Variants in RPS6KA2 observed in about 807,000 individuals in gnomAD.
The protein encoded by RPS6KA2 is ribosomal protein S6 kinase alpha-2.
Under a neutral mutation model 91.8 loss-of-function variants are expected in RPS6KA2, and 42 were observed. The observed-to-expected ratio is 0.46, with a 90% CI of 0.36 to 0.59. RPS6KA2 has a LOEUF of 0.59. Among genes scored for constraint, RPS6KA2 ranks in the 20% least tolerant of loss-of-function variants. The probability of loss-of-function intolerance (pLI) is 0.00; values close to 1 mark genes in which losing one functional copy is unlikely to be tolerated. For missense variants in RPS6KA2, 798 were observed against 978.5 expected, an observed-to-expected ratio of 0.82 and a Z score of 2.46; for synonymous variants, 414 against 393.6, an observed-to-expected ratio of 1.05 and a Z score of -0.61.
intron 2 of RPS6KA2, among the ~76,000 whole-genome samples, chr6:166,672,958 G>A (rs1788513581): frequency 6.6e-6 from 1 of 152,172 alleles, no homozygotes; most frequent in Admixed American, 6.5e-5. Context: ...ATGTTGGCGT[G>A]GGCTTGCTGC....
At chr6:166,428,696 A>G (rs1330312197) in intron 16 of RPS6KA2, among the ~76,000 whole-genome samples, 1 of 152,120 alleles carries the variant, frequency 6.6e-6, no homozygotes, top group African/African-American at 2.4e-5. Flanking sequence ...CAAAAAACAC[A>G]TGAAAAAATG....
intron 16 of RPS6KA2, among the ~76,000 whole-genome samples, chr6:166,425,881 T>TA (rs1298551271): frequency 6.6e-6 from 1 of 152,100 alleles, no homozygotes; most frequent in Non-Finnish European, 1.5e-5. Flanking sequence ...CTGTCAACAT[T>TA]AGACAGATCA....
At chr6:166,813,374 G>C (rs1221235743) in intron 2 of RPS6KA2, among the ~76,000 whole-genome samples, 1 of 152,200 alleles carries the variant, frequency 6.6e-6, no homozygotes. Context: ...TACAACTGTA[G>C]ATTTGATTAT....
At chr6:166,521,139 G>T (rs1026791608) in intron 3 of RPS6KA2, among the ~76,000 whole-genome samples, 1 of 152,264 alleles carries the variant, frequency 6.6e-6, no homozygotes, top group African/African-American at 2.4e-5. Flanking sequence ...CAGTGACTGT[G>T]TGGTTCTCTT....
At chr6:166,486,861 G>A (rs930686479) in intron 10 of RPS6KA2, among the ~76,000 whole-genome samples, 4 of 152,068 alleles carry the variant, frequency 2.6e-5, no homozygotes, top group Admixed American at 1.3e-4. Context: ...TGATCATCAC[G>A]GGGTGGGGGT....
rs755569732 is a variant in RPS6KA2 at position 166,410,700 on chromosome 6, C to T, written c.*2062G>A. On this transcript the variant is annotated 3_prime_UTR_variant, in exon 21 of 21. Coordinates refer to ENST00000265678, the MANE Select transcript of RPS6KA2 (RefSeq NM_021135.6). ...GCACACAAGGAGGGAAAACCGTGGC[C>T]GCTTTCTCACGGATGCTTTCCCTTT... 2 of 152,062 alleles carry T rather than the reference C, an allele frequency of 1.3e-5. No homozygotes were observed. The highest frequency in any genetic ancestry group is 2.4e-5 in the African/African-American group (1 of 41,388). 9.4% of individuals were successfully genotyped at this position (152,062 alleles called of 1,614,324 possible). A position where few individuals can be genotyped will look rare whatever the true frequency, so the allele number is the denominator to read the frequency against.
At chr6:166,611,252 C>T (rs1243720925) in intron 1 of RPS6KA2, among the ~76,000 whole-genome samples, 1 of 152,160 alleles carries the variant, frequency 6.6e-6, no homozygotes. Flanking sequence ...AGCATAATTT[C>T]AACAAGTCCA....
chr6:166,500,990 G>T lies in RPS6KA2; in HGVS notation c.567-66C>A, dbSNP rs1782007510. On this transcript the variant is annotated intron_variant, in intron 6 of 20. Coordinates refer to ENST00000265678, the MANE Select transcript of RPS6KA2 (RefSeq NM_021135.6). The surrounding 1 kb of genome is among the most constrained non-coding windows in gnomAD (Gnocchi z 4.3). The stretch of plus-strand genomic sequence containing the variant: ...CCCAGCCTGCCGACGGGCACGCAGA[G>T]CTCAGAGGAGAGCTGCGGGGCAGCT... 1 of 1,477,664 alleles carries T rather than the reference G, an allele frequency of 6.8e-7. No individual in the cohort carries two copies. The highest frequency in any genetic ancestry group is 9.4e-7 in the Non-Finnish European group (1 of 1,061,154). The allele number at this position is 1,477,664 out of a possible 1,614,324, so 91.5% of individuals were successfully genotyped here. A position where few individuals can be genotyped will look rare whatever the true frequency, so the allele number is the denominator to read the frequency against.
chr6:166,611,778 C>T (rs116426967), intron 1 of RPS6KA2, among the ~76,000 whole-genome samples: 4,765 of 152,236 alleles, frequency 0.031, 136 homozygotes, highest in African/African-American at 0.073. Flanking sequence ...GCTGCAAAAC[C>T]GCAAGTCAGG....
intron 2 of RPS6KA2, among the ~76,000 whole-genome samples, chr6:166,673,267 G>T (rs1788526339): frequency 6.6e-6 from 1 of 152,186 alleles, no homozygotes; most frequent in African/African-American, 2.4e-5. Context: ...GGTGCAGGCT[G>T]CGGCTCTAGG....
chr6:166,830,522 T>C (rs1286584331), intron 2 of RPS6KA2, among the ~76,000 whole-genome samples: 1 of 152,222 alleles, frequency 6.6e-6, no homozygotes, highest in African/African-American at 2.4e-5. Flanking sequence ...TATATTTTTA[T>C]AATTTCTTTT....
At position 166,632,918 on chromosome 6, in the gene RPS6KA2, C is replaced by T. The variant is rs554503827; in HGVS notation, c.124-94134G>A. On this transcript the variant is annotated intron_variant, in intron 2 of 21. Coordinates refer to the RPS6KA2 transcript ENST00000503859. ...GAGGACAACGTGGACTCAACATGGG[C>T]GTGAAATACCTCGGGGCCGGGCGCA... is the stretch of plus-strand genomic sequence containing the variant. 4.6e-5 allele frequency among the ~76,000 whole-genome samples: 7 copies of T among 152,076 alleles called. No homozygotes were observed. The East Asian group carries it at 7.8e-4, about 17-fold the overall frequency.
intron 10 of RPS6KA2, among the ~76,000 whole-genome samples, chr6:166,486,797 A>T (rs1028765418): frequency 4.6e-5 from 7 of 151,746 alleles, no homozygotes; most frequent in African/African-American, 1.7e-4. Context: ...CCATGTCAGT[A>T]ACAGCAACGT....
At chr6:166,697,454 C>T (rs1209736104) in intron 2 of RPS6KA2, among the ~76,000 whole-genome samples, 1 of 152,210 alleles carries the variant, frequency 6.6e-6, no homozygotes, top group African/African-American at 2.4e-5. Context: ...ATGAGGGAAT[C>T]GATGAACTCC....
At position 166,678,319 on chromosome 6, in the gene RPS6KA2, C is replaced by G. The variant is rs539414703; in HGVS notation, c.124-139535G>C. Among the ~76,000 whole-genome samples, 19 of 152,362 alleles carry G rather than the reference C, an allele frequency of 1.2e-4. No individual in the cohort carries two copies. In the East Asian group the frequency reaches 2.7e-3, roughly 22 times the overall value. Reference sequence around the variant, plus strand: ...CCTGGCTCAGAACATCTCTCATCCCCCTGACTGGGCCTCCACCCTCCACGG... The same window carrying G: ...CCTGGCTCAGAACATCTCTCATCCCGCTGACTGGGCCTCCACCCTCCACGG... On this transcript the variant is annotated intron_variant, in intron 2 of 21. Coordinates refer to the RPS6KA2 transcript ENST00000503859.
rs997903363 is a variant in RPS6KA2, at chr6:166,533,073, C to T, written c.217-1760G>A. Among the ~76,000 whole-genome samples the T allele has an allele frequency of 6.6e-5, 10 of 152,152 alleles. No homozygotes were observed. In the East Asian group the frequency reaches 1.3e-3, roughly 20 times the overall value. Reference sequence around the variant, plus strand: ...CAGGGTGTTCCCTCTGTGCAGTGGGCGAGCTTCCTGACAGGCAGGTAGAGA... The same window carrying T: ...CAGGGTGTTCCCTCTGTGCAGTGGGTGAGCTTCCTGACAGGCAGGTAGAGA... On this transcript the variant is annotated intron_variant, in intron 2 of 20. Transcript: ENST00000265678. This position sits in a 1 kb window ranked among gnomAD's most constrained non-coding sequence, Gnocchi z 4.0.
rs117541641 is a variant in RPS6KA2, at chr6:166,491,982, T to C, written c.748-1241A>G. Among the ~76,000 whole-genome samples the C allele has an allele frequency of 3.0e-3, 454 of 152,332 alleles. 1 individual carries two copies. Among genetic ancestry groups the C allele is most frequent in the Middle Eastern group, 6.8e-3 (2 of 294 alleles). On this transcript the variant is annotated intron_variant, in intron 8 of 20. Transcript: ENST00000265678. ...TGTATAGTGAGTGTATTTGTTGCTG[T>C]ACACTTAGGACATTTCCAATTTTCT...
At chr6:166,535,072 C>T (rs1211442615) in intron 2 of RPS6KA2, among the ~76,000 whole-genome samples, 1 of 152,198 alleles carries the variant, frequency 6.6e-6, no homozygotes. Context: ...ACTGTAACCT[C>T]GAGCTAACGC....
chr6:166,613,990 A>ACTT (rs1187152006), intron 1 of RPS6KA2, among the ~76,000 whole-genome samples: 1 of 152,142 alleles, frequency 6.6e-6, no homozygotes, highest in African/African-American at 2.4e-5. Flanking sequence ...GGGGACACTG[A>ACTT]CTTCTGGCAG....
Sources: gnomAD v4.1 joint callset for allele counts (sites outside exome capture counted in the v4.1 genomes callset) on GRCh38, gnomAD v4.1.1 for gene constraint, Gnocchi (gnomAD v3.1) non-coding constraint, MANE v1.5 for transcripts, NCBI Gene and HGNC (gene_info 2026-07-23, HGNC 2026-07-21) for gene names.